TYW1B: variants seen among roughly 807,000 people sequenced by gnomAD.
TYW1B encodes tRNA-yW synthesizing protein 1 homolog B.
A neutral mutation model predicts 86.9 loss-of-function variants in TYW1B; 73 were observed. The observed-to-expected ratio is 0.84, with a 90% CI of 0.70 to 1.02. The LOEUF (loss-of-function observed/expected upper bound fraction) is 1.02. Among genes scored for constraint, TYW1B ranks in the 50% least tolerant of loss-of-function variants. The probability of loss-of-function intolerance (pLI) is 0.00; values close to 1 mark genes in which losing one functional copy is unlikely to be tolerated. For missense variants in TYW1B, 637 were observed against 827.4 expected (o/e 0.77, Z 2.82); for synonymous variants, 248 against 292.8 (o/e 0.85, Z 1.56).
chr7:72,778,933 CT>C (rs35483149), intron 6 of TYW1B, among the ~76,000 whole-genome samples: 103,679 of 151,196 alleles, frequency 0.69, 36,454 homozygotes, highest in Non-Finnish European at 0.77. Flanking sequence ...TTCTTCTTCT[CT>C]TTTTAAAAGT....
chr7:72,772,183 G>A (rs1215778849), intron 7 of TYW1B, among the ~76,000 whole-genome samples: 3 of 151,534 alleles, frequency 2.0e-5, no homozygotes, highest in South Asian at 2.1e-4. Context: ...ATTATACGAG[G>A]AGATTTTAAC....
intron 10 of TYW1B, among the ~76,000 whole-genome samples, chr7:72,708,774 G>A (rs1306806074): frequency 5.9e-5 from 9 of 152,128 alleles, no homozygotes; most frequent in African/African-American, 1.9e-4. Flanking sequence ...AGCATCCTTA[G>A]TTTAATTCGG....
chr7:72,608,185 G>A (rs1275120236), intron 13 of TYW1B, among the ~76,000 whole-genome samples: 1 of 152,208 alleles, frequency 6.6e-6, no homozygotes, highest in Non-Finnish European at 1.5e-5. Context: ...GCTAAAGGAA[G>A]TTCTTCAAAC....
chr7:72,802,622 C>CT (rs200906243), intron 5 of TYW1B, 100 bp from the exon 6 acceptor site: 3,552 of 1,122,622 alleles, frequency 3.2e-3, no homozygotes, highest in East Asian at 5.1e-3. Context: ...TCTCTAAATT[C>CT]TTTTTTTTTT....
intron 11 of TYW1B, among the ~76,000 whole-genome samples, chr7:72,655,900 G>A (rs1488587158): frequency 2.0e-5 from 3 of 152,132 alleles, no homozygotes; most frequent in Admixed American, 2.0e-4. Flanking sequence ...CCTGAGGATT[G>A]GTCCACTGCC....
At chr7:72,776,952 G>C (rs1585975947) in intron 7 of TYW1B, among the ~76,000 whole-genome samples, 2 of 152,024 alleles carry the variant, frequency 1.3e-5, no homozygotes, top group Admixed American at 1.3e-4. Flanking sequence ...AAGTGGGGAG[G>C]GGGAAGAAGG....
At chr7:72,775,578 A>G (rs1554470393) in intron 7 of TYW1B, among the ~76,000 whole-genome samples, 1 of 152,210 alleles carries the variant, frequency 6.6e-6, no homozygotes, top group East Asian at 1.9e-4. Context: ...CCAGCAAAAA[A>G]TTACTGAACT....
intron 11 of TYW1B, among the ~76,000 whole-genome samples, chr7:72,648,507 T>C (rs1554442361): frequency 6.9e-6 from 1 of 145,418 alleles, no homozygotes; most frequent in Non-Finnish European, 1.5e-5. Flanking sequence ...CACACCACTG[T>C]ACTCCAGCCT....
At chr7:72,777,621 AG>A in intron 6 of TYW1B, 88 bp from the exon 7 acceptor site, 2 of 1,514,092 alleles carry the variant, frequency 1.3e-6, no homozygotes, top group South Asian at 2.4e-5. Flanking sequence ...ATCAATAAAA[AG>A]GTCCATTATG....
rs193058581 is a variant in TYW1B, at chr7:72,612,661, G to A, written c.1785+4011C>T. ...TGTGAGACTCTGAAAAGGACACGTC[G>A]CCAACACAGTATTCCATCTGAGGAC... On this transcript the variant is annotated intron_variant, in intron 13 of 13. Transcript: ENST00000620995. Among the ~76,000 whole-genome samples, 974 of 152,224 alleles carry A rather than the reference G, an allele frequency of 6.4e-3. 10 individuals are homozygous for A. The highest frequency in any genetic ancestry group is 9.1e-3 in the Non-Finnish European group (621 of 68,018).
chr7:72,644,986 C>T (rs1812892677), intron 11 of TYW1B, among the ~76,000 whole-genome samples: 1 of 152,062 alleles, frequency 6.6e-6, no homozygotes, highest in African/African-American at 2.4e-5. Context: ...TGCCACCAGG[C>T]CCGGCTAATT....
chr7:72,798,936 A>T (rs1373660501), intron 6 of TYW1B, among the ~76,000 whole-genome samples: 1 of 152,032 alleles, frequency 6.6e-6, no homozygotes, highest in Non-Finnish European at 1.5e-5. Flanking sequence ...ATTCTTATTC[A>T]TGTGTTTTGC....
chr7:72,603,112 GGATGGATGGATGGATGGATGGATA>G (rs1405830008), intron 13 of TYW1B, among the ~76,000 whole-genome samples: 39 of 151,994 alleles, frequency 2.6e-4, no homozygotes, highest in African/African-American at 8.7e-4. Flanking sequence ...ATGGATGGAT[GGATGGATGGATGGATGGATGGATA>G]GATGGATGGA....
intron 11 of TYW1B, among the ~76,000 whole-genome samples, chr7:72,655,392 C>T (rs1363610092): frequency 6.6e-6 from 1 of 152,162 alleles, no homozygotes; most frequent in African/African-American, 2.4e-5. Context: ...ACACCAGGAG[C>T]CCCAAGCAAC....
chr7:72,698,657 A>G (rs571424815), intron 10 of TYW1B, among the ~76,000 whole-genome samples: 7 of 151,826 alleles, frequency 4.6e-5, no homozygotes, highest in African/African-American at 1.2e-4. Flanking sequence ...AAAAAAAAAA[A>G]AAAGAAAGAA....
intron 10 of TYW1B, among the ~76,000 whole-genome samples, chr7:72,702,202 C>T (rs1814492220): frequency 6.6e-6 from 1 of 152,044 alleles, no homozygotes. Context: ...CTTTTTGCAC[C>T]AGACAAACTT....
chr7:72,670,495 G>T (rs1284931988), intron 11 of TYW1B, among the ~76,000 whole-genome samples: 2 of 152,140 alleles, frequency 1.3e-5, no homozygotes, highest in Non-Finnish European at 1.5e-5. Context: ...CTGGCCTCAT[G>T]TGTTATCATT....
intron 7 of TYW1B, among the ~76,000 whole-genome samples, chr7:72,763,693 T>C (rs1323228649): frequency 1.3e-5 from 2 of 152,228 alleles, no homozygotes; most frequent in Non-Finnish European, 2.9e-5. Context: ...GATTCTGTTT[T>C]GATCAAGTGT....
At chr7:72,585,784 T>C (rs1811261381) in intron 13 of TYW1B, among the ~76,000 whole-genome samples, 1 of 152,186 alleles carries the variant, frequency 6.6e-6, no homozygotes, top group African/African-American at 2.4e-5. Flanking sequence ...GTGAGTCCAT[T>C]AAACCTCTTT....
Sources: gnomAD v4.1 joint callset for allele counts (sites outside exome capture counted in the v4.1 genomes callset) on GRCh38, gnomAD v4.1.1 for gene constraint, MANE v1.5 for transcripts, NCBI Gene and HGNC (gene_info 2026-07-23, HGNC 2026-07-21) for gene names.